The following RNF150 variants were observed in gnomAD, a reference collection of about 807,000 sequenced individuals.
RNF150 encodes the protein ring finger protein 150.
A neutral mutation model predicts 39.3 loss-of-function variants in RNF150; 24 were observed. The ratio of observed to expected loss-of-function variants is 0.61; its 90% CI spans 0.44 to 0.86. The LOEUF is 0.86. Among genes scored for constraint, RNF150 ranks in the 40% least tolerant of loss-of-function variants. The probability of loss-of-function intolerance (pLI) is 0.00; values close to 1 mark genes in which losing one functional copy is unlikely to be tolerated. For synonymous variants in RNF150, 255 were observed against 227.3 expected (o/e 1.12, Z -1.10); for missense variants, 502 against 587.8 (o/e 0.85, Z 1.51).
rs567429913 is a variant in RNF150 at position 140,863,003 on chromosome 4, C to T, written c.*5258G>A. ...ATGCAATGGCATGGATGAAGGACCT[C>T]GGTGGCCAAGAGCACTGCATGAAGA... On this transcript the variant is annotated 3_prime_UTR_variant, in exon 7 of 7. Coordinates refer to ENST00000515673, the MANE Select transcript of RNF150 (RefSeq NM_020724.2). 4 of 152,174 alleles carry T rather than the reference C, an allele frequency of 2.6e-5. No homozygotes were observed. The highest frequency in any genetic ancestry group is 7.2e-5 in the African/African-American group (3 of 41,506). The allele number at this position is 152,174 out of a possible 1,614,324, so 9.4% of individuals were successfully genotyped here.
intron 4 of RNF150, among the ~76,000 whole-genome samples, chr4:140,927,650 CTTTTT>C (rs70946712): frequency 7.9e-6 from 1 of 126,916 alleles, no homozygotes. Flanking sequence ...TTTTTTGTTT[CTTTTT>C]TTTTTTTTTT....
intron 2 of RNF150, among the ~76,000 whole-genome samples, chr4:140,958,734 C>T (rs550125927): frequency 2.0e-5 from 3 of 152,012 alleles, no homozygotes; most frequent in East Asian, 1.9e-4. Flanking sequence ...CCAGGCTACA[C>T]GGTGTAGAAG....
rs148130864 is a variant in RNF150, at chr4:141,020,834, T to G, written c.485-52961A>C. The stretch of plus-strand genomic sequence containing the variant: ...AGTAAAATCCACAGAGGGTTGAGGA[T>G]GAGATCCTGGCTAACTAGACCCATT... On this transcript the variant is annotated intron_variant, in intron 1 of 6. Coordinates refer to ENST00000515673, the MANE Select transcript of RNF150 (RefSeq NM_020724.2). 5.9e-5 allele frequency among the ~76,000 whole-genome samples: 9 copies of G among 152,274 alleles called. No individual in the cohort carries two copies. The East Asian group carries it at 1.7e-3, about 29-fold the overall frequency.
At chr4:141,188,781 C>G (rs1280600625) in intron 1 of RNF150, among the ~76,000 whole-genome samples, 2 of 152,112 alleles carry the variant, frequency 1.3e-5, no homozygotes, top group African/African-American at 2.4e-5. Context: ...TCTTCCTTGT[C>G]AAGGTTCTTA....
At chr4:141,124,910 T>C (rs1264671178) in intron 1 of RNF150, among the ~76,000 whole-genome samples, 1 of 152,230 alleles carries the variant, frequency 6.6e-6, no homozygotes. Flanking sequence ...GAAATATATG[T>C]TCACAAATTG....
At chr4:141,048,739 A>C (rs1325162333) in intron 1 of RNF150, among the ~76,000 whole-genome samples, 1 of 152,190 alleles carries the variant, frequency 6.6e-6, no homozygotes, top group Non-Finnish European at 1.5e-5. Context: ...TCTCTAAAAA[A>C]TAAACAAACA....
chr4:141,077,263 A>G (rs1670131575), intron 1 of RNF150, among the ~76,000 whole-genome samples: 1 of 152,250 alleles, frequency 6.6e-6, no homozygotes, highest in African/African-American at 2.4e-5. Context: ...AATAGTTTCA[A>G]TGAGTGAATG....
intron 1 of RNF150, among the ~76,000 whole-genome samples, chr4:141,124,864 GAATT>G (rs749806491): frequency 2.6e-5 from 4 of 152,050 alleles, no homozygotes; most frequent in South Asian, 2.1e-4. Context: ...ATTTAATACA[GAATT>G]ATTTCTAAAA....
chr4:141,078,704 G>C (rs776238750), intron 1 of RNF150, among the ~76,000 whole-genome samples: 1 of 148,836 alleles, frequency 6.7e-6, no homozygotes, highest in Non-Finnish European at 1.5e-5. Context: ...GCAGGAGAAC[G>C]GCGTGAACCC....
At chr4:141,147,973 T>C (rs1727230055) in intron 1 of RNF150, among the ~76,000 whole-genome samples, 1 of 152,230 alleles carries the variant, frequency 6.6e-6, no homozygotes, top group South Asian at 2.1e-4. Context: ...TCCTTTATTC[T>C]TTAAAACCAT....
At chr4:141,202,141 G>T (rs13434938) in intron 1 of RNF150, among the ~76,000 whole-genome samples, 43,310 of 151,926 alleles carry the variant, frequency 0.29, 6,514 homozygotes, top group African/African-American at 0.37. Flanking sequence ...TAAGGTATTT[G>T]TTATAACAGC....
At chr4:141,163,639 C>A (rs1401274779) in intron 1 of RNF150, among the ~76,000 whole-genome samples, 3 of 152,228 alleles carry the variant, frequency 2.0e-5, no homozygotes, top group Non-Finnish European at 4.4e-5. Flanking sequence ...TCTGCAGCCA[C>A]TGCTGCTGAT....
intron 1 of RNF150, among the ~76,000 whole-genome samples, chr4:141,013,278 G>A (rs1735143476): frequency 6.6e-6 from 1 of 152,118 alleles, no homozygotes; most frequent in Non-Finnish European, 1.5e-5. Flanking sequence ...AGTATGTGGT[G>A]GATACATGAT....
At chr4:141,044,122 A>C (rs537927130) in intron 1 of RNF150, among the ~76,000 whole-genome samples, 2 of 152,352 alleles carry the variant, frequency 1.3e-5, no homozygotes, top group South Asian at 4.1e-4. Context: ...ATATTTTTAA[A>C]TGACACATTA....
At chr4:141,098,498 C>T (rs749837511) in intron 1 of RNF150, among the ~76,000 whole-genome samples, 15 of 152,224 alleles carry the variant, frequency 9.9e-5, no homozygotes, top group Non-Finnish European at 1.9e-4. Context: ...CAGGTCTTAA[C>T]CCTGACTCTG....
upstream of RNF150, among the ~76,000 whole-genome samples, chr4:141,134,849 C>T (rs1040172693): frequency 5.3e-5 from 8 of 152,226 alleles, no homozygotes; most frequent in African/African-American, 1.9e-4. Context: ...TAGAAACCCC[C>T]GGCTAGGTTC....
intron 6 of RNF150, among the ~76,000 whole-genome samples, chr4:140,899,968 C>G (rs1028267518): frequency 5.3e-4 from 62 of 117,332 alleles, no homozygotes; most frequent in African/African-American, 1.9e-3. Context: ...CTCTCTCTCT[C>G]TCTCTCTGTG....
chr4:141,078,522 G>A (rs962071184), intron 1 of RNF150, among the ~76,000 whole-genome samples: 10 of 151,578 alleles, frequency 6.6e-5, no homozygotes, highest in Non-Finnish European at 1.0e-4. Context: ...TCATAATCAC[G>A]CCTGTAATCC....
At chr4:141,031,908 G>C (rs1030306772) in intron 1 of RNF150, among the ~76,000 whole-genome samples, 1 of 151,890 alleles carries the variant, frequency 6.6e-6, no homozygotes, top group African/African-American at 2.4e-5. Flanking sequence ...AAATGAAAGA[G>C]ATGAGCACCC....
Sources: allele counts gnomAD v4.1 joint callset (sites outside exome capture counted in the v4.1 genomes callset), GRCh38; gene constraint gnomAD v4.1.1; transcripts MANE v1.5; gene names NCBI Gene and HGNC (gene_info 2026-07-23, HGNC 2026-07-21).